Variants in TSGA10 observed in about 807,000 individuals in gnomAD.
The protein encoded by TSGA10 is testis specific 10, also known as testis-specific gene 10 protein.
A neutral mutation model predicts 96.6 loss-of-function variants in TSGA10; 43 were observed. That is an observed-to-expected ratio of 0.44 (90% CI 0.35 to 0.57). The LOEUF (loss-of-function observed/expected upper bound fraction) is 0.57. Ranked by LOEUF, TSGA10 falls within the 20% of genes least tolerant of loss-of-function variation. TSGA10 has a pLI of 0.01. For synonymous variants in TSGA10, 229 were observed against 269.9 expected (o/e 0.85, Z 1.48); for missense variants, 703 against 834.4 (o/e 0.84, Z 1.94).
chr2:99,098,160 G>A (rs1001312379), intron 10 of TSGA10, among the ~76,000 whole-genome samples: 3 of 151,916 alleles, frequency 2.0e-5, no homozygotes, highest in Admixed American at 6.6e-5. Flanking sequence ...AGGCCTAGCC[G>A]GGCACGGTGG....
chr2:99,040,915 A>G (rs937825193), intron 16 of TSGA10, among the ~76,000 whole-genome samples: 8 of 152,218 alleles, frequency 5.3e-5, no homozygotes, highest in Non-Finnish European at 8.8e-5. Flanking sequence ...GCCTCCTATC[A>G]ACTATTAGTT....
At chr2:99,052,712 T>C (rs1220718406) in intron 16 of TSGA10, among the ~76,000 whole-genome samples, 2 of 151,638 alleles carry the variant, frequency 1.3e-5, no homozygotes, top group Non-Finnish European at 2.9e-5. Flanking sequence ...CACTCCAGCC[T>C]GGGTGACAGA....
At chr2:99,091,960 C>T (rs2089407320) in intron 10 of TSGA10, among the ~76,000 whole-genome samples, 1 of 152,062 alleles carries the variant, frequency 6.6e-6, no homozygotes, top group Non-Finnish European at 1.5e-5. Flanking sequence ...GAATATTCCA[C>T]CCAACAACCA....
chr2:99,131,862 C>T (rs1405997010), intron 1 of TSGA10, among the ~76,000 whole-genome samples: 4 of 152,022 alleles, frequency 2.6e-5, no homozygotes, highest in Non-Finnish European at 5.9e-5. Flanking sequence ...GCCTTTTCTC[C>T]ATCTATTGAG....
intron 18 of TSGA10, among the ~76,000 whole-genome samples, chr2:99,019,427 A>C (rs1213354882): frequency 6.6e-6 from 1 of 152,208 alleles, no homozygotes; most frequent in African/African-American, 2.4e-5. Context: ...TGTTGAAGGA[A>C]TCATAATAGG....
chr2:99,036,622 G>A (rs976943692), intron 16 of TSGA10, among the ~76,000 whole-genome samples: 10 of 151,922 alleles, frequency 6.6e-5, no homozygotes, highest in African/African-American at 1.9e-4. Context: ...ACAAATGAAC[G>A]GGGCAATAAA....
chr2:99,023,837 A>T (rs2080273756), intron 17 of TSGA10, among the ~76,000 whole-genome samples: 1 of 152,042 alleles, frequency 6.6e-6, no homozygotes. Context: ...GTGATTCTCC[A>T]ACTTTCTTTT....
chr2:99,023,464 G>A (rs1044534866), intron 17 of TSGA10, among the ~76,000 whole-genome samples: 6 of 151,572 alleles, frequency 4.0e-5, no homozygotes, highest in African/African-American at 1.5e-4. Flanking sequence ...TTTTTGATGT[G>A]TATTTAAGAA....
At chr2:99,147,717 T>C (rs1316273699) in intron 1 of TSGA10, among the ~76,000 whole-genome samples, 1 of 152,218 alleles carries the variant, frequency 6.6e-6, no homozygotes, top group African/African-American at 2.4e-5. Flanking sequence ...TAATAATATG[T>C]AGAACAACTT....
intron 10 of TSGA10, among the ~76,000 whole-genome samples, chr2:99,090,054 G>A (rs1462758415): frequency 6.6e-6 from 1 of 152,172 alleles, no homozygotes; most frequent in Non-Finnish European, 1.5e-5. Context: ...TGCTATCTAT[G>A]GCTGAGAGAC....
chr2:99,024,587 C>T (rs1446575621), intron 17 of TSGA10, among the ~76,000 whole-genome samples: 1 of 152,130 alleles, frequency 6.6e-6, no homozygotes, highest in African/African-American at 2.4e-5. Flanking sequence ...CAGATCATGT[C>T]ACCTGCGAAC....
chr2:99,005,716 C>T (rs997228258), intron 20 of TSGA10, among the ~76,000 whole-genome samples: 4 of 152,130 alleles, frequency 2.6e-5, no homozygotes, highest in Non-Finnish European at 4.4e-5. Context: ...GGCCATACTG[C>T]CCAAGGTAAT....
intron 1 of TSGA10, among the ~76,000 whole-genome samples, chr2:99,139,225 T>C (rs927683732): frequency 7.2e-5 from 11 of 152,012 alleles, no homozygotes; most frequent in African/African-American, 2.7e-4. Flanking sequence ...ATCGCACCAC[T>C]GCACTCCAGC....
intron 20 of TSGA10, among the ~76,000 whole-genome samples, chr2:99,015,570 T>A (rs971503341): frequency 6.6e-6 from 1 of 152,022 alleles, no homozygotes; most frequent in Non-Finnish European, 1.5e-5. Flanking sequence ...TTGAAAGCAT[T>A]CCCCCTGAGA....
intron 6 of TSGA10, 135 bp from the exon 7 acceptor site, chr2:99,109,126 A>G: frequency 1.2e-6 from 1 of 807,420 alleles, no homozygotes; most frequent in Non-Finnish European, 1.9e-6. Flanking sequence ...AAATAAGTTT[A>G]AAAACCACAT....
chr2:99,017,235 CAAA>C, intron 20 of TSGA10, among the ~76,000 whole-genome samples: 1 of 152,188 alleles, frequency 6.6e-6, no homozygotes, highest in South Asian at 2.1e-4. Context: ...TTTGCAATTG[CAAA>C]AATATGGAAC....
intron 17 of TSGA10, among the ~76,000 whole-genome samples, chr2:99,031,711 G>A (rs946536356): frequency 5.9e-5 from 9 of 152,266 alleles, no homozygotes; most frequent in Admixed American, 2.6e-4. Context: ...AGGTGAGCCC[G>A]CAAAGCTTCA....
intron 17 of TSGA10, among the ~76,000 whole-genome samples, chr2:99,023,165 A>C (rs757087697): frequency 3.3e-5 from 5 of 151,974 alleles, no homozygotes; most frequent in Non-Finnish European, 5.9e-5. Context: ...ACACCTGGTT[A>C]ATTTTTGTAT....
chr2:99,075,744 A>G (rs559405835), intron 12 of TSGA10, among the ~76,000 whole-genome samples: 1 of 152,306 alleles, frequency 6.6e-6, no homozygotes, highest in Non-Finnish European at 1.5e-5. Flanking sequence ...GTAACTCAAT[A>G]TTGCTTGTGA....
Sources: gnomAD v4.1 joint callset for allele counts (sites outside exome capture counted in the v4.1 genomes callset) on GRCh38, gnomAD v4.1.1 for gene constraint, MANE v1.5 for transcripts, NCBI Gene and HGNC (gene_info 2026-07-23, HGNC 2026-07-21) for gene names.